The following TUBB3 variants were observed in gnomAD, a reference collection of about 807,000 sequenced individuals.
TUBB3 encodes tubulin beta-3 chain.
TUBB3 carries 17 observed loss-of-function variants against 37.8 expected under a neutral mutation model. The ratio of observed to expected loss-of-function variants is 0.45; its 90% confidence interval spans 0.31 to 0.67. The LOEUF is 0.67. Among genes scored for constraint, TUBB3 ranks in the 30% least tolerant of loss-of-function variants. The pLI, the probability that TUBB3 is intolerant of heterozygous loss-of-function variation, is 0.07. For synonymous variants in TUBB3, 332 were observed against 278.9 expected, an observed-to-expected ratio of 1.19 and a Z score of -1.90; for missense variants, 262 against 657.9, an observed-to-expected ratio of 0.40 and a Z score of 6.58.
In TUBB3 at chr16:89,926,471, C is replaced by A. The variant is rs1043458983; in HGVS notation, c.57+3013C>A. On this transcript the variant is annotated intron_variant, in intron 1 of 3. Coordinates refer to ENST00000315491, the MANE Select transcript of TUBB3 (RefSeq NM_006086.4). ...TGGCCACTGCCCTCAAAGCCCGGCC[C>A]CGCTTTCCCCAGGACCCCAAGCGCT... Among the ~76,000 whole-genome samples the A allele has an allele frequency of 5.3e-5, 8 of 152,268 alleles. No homozygotes were observed. In the South Asian group the frequency reaches 1.2e-3, roughly 24 times the overall value.
chr16:89,931,299 T>C (rs369164356), intron 1 of TUBB3, among the ~76,000 whole-genome samples: 22 of 152,358 alleles, frequency 1.4e-4, no homozygotes, highest in African/African-American at 4.8e-4. Context: ...TTGAGGAATC[T>C]TCTGCAGCAC....
chr16:89,933,665 G>A, intron 3 of TUBB3, 87 bp downstream of exon 3: 1 of 1,019,752 alleles, frequency 9.8e-7, no homozygotes. Context: ...TGAGAAACAA[G>A]GAATGGTCAG....
chr16:89,922,896 C>T (rs1380350465), upstream of TUBB3, among the ~76,000 whole-genome samples: 1 of 152,270 alleles, frequency 6.6e-6, no homozygotes, highest in Non-Finnish European at 1.5e-5. Context: ...AAGCTCAGAG[C>T]ACCTTGTCTG....
At chr16:89,928,925 GT>G (rs1325360228) in intron 1 of TUBB3, among the ~76,000 whole-genome samples, 1 of 148,996 alleles carries the variant, frequency 6.7e-6, no homozygotes, top group Non-Finnish European at 1.5e-5. Context: ...GCCTCCCAAA[GT>G]GCTGGGATTG....
intron 1 of TUBB3, among the ~76,000 whole-genome samples, chr16:89,930,116 CCTTT>C (rs1291464038): frequency 7.1e-5 from 10 of 141,234 alleles, no homozygotes; most frequent in Admixed American, 5.7e-4. Context: ...TTCCTTCCTT[CCTTT>C]CTTTCTGACA....
At chr16:89,928,782 C>G (rs2030177531) in intron 1 of TUBB3, among the ~76,000 whole-genome samples, 1 of 152,070 alleles carries the variant, frequency 6.6e-6, no homozygotes, top group Non-Finnish European at 1.5e-5. Context: ...CCTCGGCCTC[C>G]CAAAGTGCTA....
chr16:89,935,718 C>T lies in TUBB3; in HGVS notation c.1267C>T (p.Gln423Ter), dbSNP rs2151093129. The change falls in exon 4 of 4, where the codon CAG (glutamine) becomes TAG (stop). Residue 423 changes from glutamine (Q) to a stop codon, truncating the protein, a stop_gained. Coordinates refer to ENST00000315491, the MANE Select transcript of TUBB3 (RefSeq NM_006086.4). LOFTEE classifies it high-confidence loss of function. ...SNMNDLVSEY[Q>*]QYQDATAEEE... Reference sequence around the variant, plus strand: ...CATGAACGACCTGGTGTCCGAGTACCAGCAGTACCAGGACGCCACGGCCGA... The same window carrying T: ...CATGAACGACCTGGTGTCCGAGTACTAGCAGTACCAGGACGCCACGGCCGA... 1.2e-6 allele frequency: 2 copies of T among 1,613,922 alleles called. No individual in the cohort carries two copies. The highest frequency in any genetic ancestry group is 1.7e-6 in the Non-Finnish European group (2 of 1,179,934).
At chr16:89,926,398 C>G (rs982801391) in intron 1 of TUBB3, among the ~76,000 whole-genome samples, 4 of 152,266 alleles carry the variant, frequency 2.6e-5, no homozygotes, top group Admixed American at 6.5e-5. Context: ...GGCTTGGAGG[C>G]CCCAGTCTCG....
chr16:89,929,367 G>C (rs943408087), intron 1 of TUBB3, among the ~76,000 whole-genome samples: 3 of 152,198 alleles, frequency 2.0e-5, no homozygotes, highest in South Asian at 2.1e-4. Context: ...CCTTTGTGGA[G>C]AGATGACCTC....
intron 1 of TUBB3, among the ~76,000 whole-genome samples, chr16:89,925,331 C>T (rs981707395): frequency 3.3e-5 from 5 of 151,784 alleles, no homozygotes; most frequent in African/African-American, 1.2e-4. Flanking sequence ...TGAGGAATCT[C>T]ATGTAATCCC....
Position 89,934,709 on chromosome 16 carries a change from C to A in TUBB3, c.278-20C>A. On this transcript the variant is annotated intron_variant, in intron 3 of 3. Coordinates refer to ENST00000315491, the MANE Select transcript of TUBB3 (RefSeq NM_006086.4). Reference sequence around the variant, plus strand: ...CAGAGTCCCTGGCCCCTGTCTCTTACCCCTCTTCTCCCTGTACAGGTCAGA... The same window carrying A: ...CAGAGTCCCTGGCCCCTGTCTCTTAACCCTCTTCTCCCTGTACAGGTCAGA... 1 of 1,612,446 alleles carries A rather than the reference C, an allele frequency of 6.2e-7. No individual in the cohort carries two copies. Among genetic ancestry groups the A allele is most frequent in the Non-Finnish European group, 8.5e-7 (1 of 1,178,670 alleles).
intron 1 of TUBB3, among the ~76,000 whole-genome samples, chr16:89,926,753 T>C (rs28705737): frequency 0.078 from 11,869 of 152,086 alleles, 887 homozygotes; most frequent in South Asian, 0.19. Flanking sequence ...GTTTGGCTCT[T>C]GTTGCCCAGG....
rs753424081 is a variant in TUBB3, at chr16:89,935,180, G to A, written c.729G>A (p.Pro243=). Residue 243 remains proline (P), a synonymous_variant, in exon 4 of 4, where the codon CCG becomes CCA. Transcript: ENST00000315491. ...GAGTCACCACCTCCTTGCGCTTCCC[G>A]GGCCAGCTCAACGCTGACCTGCGCA... The part of the protein sequence containing the change: ...MSGVTTSLRF[P]GQLNADLRKL... 68 of 1,613,716 alleles carry A rather than the reference G, an allele frequency of 4.2e-5. No individual in the cohort carries two copies. In the East Asian group the frequency reaches 8.7e-4, roughly 21 times the overall value.
intron 1 of TUBB3, among the ~76,000 whole-genome samples, chr16:89,924,637 A>C (rs1158676985): frequency 6.6e-6 from 1 of 151,824 alleles, no homozygotes; most frequent in African/African-American, 2.4e-5. Flanking sequence ...ACAAAAAGCT[A>C]ATTACAACAG....
intron 1 of TUBB3, among the ~76,000 whole-genome samples, chr16:89,926,109 C>G (rs1057219780): frequency 6.6e-6 from 1 of 152,162 alleles, no homozygotes; most frequent in African/African-American, 2.4e-5. Context: ...GGACGCTGCC[C>G]CACTGCCGCA....
intron 1 of TUBB3, among the ~76,000 whole-genome samples, chr16:89,927,253 C>T (rs969577696): frequency 2.0e-5 from 3 of 151,748 alleles, no homozygotes; most frequent in East Asian, 2.0e-4. Context: ...CATGGAGGCA[C>T]GCCGGCCTGT....
rs1479959389 is a variant in TUBB3 at position 89,934,931 on chromosome 16, C to T, written c.480C>T (p.Pro160=). ...TCAGCAAGGTGCGTGAGGAGTATCC[C>T]GACCGCATCATGAACACCTTCAGCG... ...LLISKVREEY[P]DRIMNTFSVV... is the part of the protein sequence containing the mutation. Residue 160 remains proline (P), a synonymous_variant, in exon 4 of 4, where the codon CCC becomes CCT. Transcript: ENST00000315491. 8 of 1,614,156 alleles carry T rather than the reference C, an allele frequency of 5.0e-6. No homozygotes were observed. In the African/African-American group the frequency reaches 5.3e-5, roughly 11 times the overall value.
chr16:89,931,933 A>G (rs1019636265), intron 1 of TUBB3: 14 of 325,066 alleles, frequency 4.3e-5, no homozygotes, highest in Admixed American at 3.2e-4. Flanking sequence ...AGGCTGGGTG[A>G]CCTCAGGCAA....
At chr16:89,926,987 G>A (rs1418837639) in intron 1 of TUBB3, among the ~76,000 whole-genome samples, 1 of 152,094 alleles carries the variant, frequency 6.6e-6, no homozygotes, top group African/African-American at 2.4e-5. Flanking sequence ...AAAGTGCTGG[G>A]ATTGCAGGCA....
Sources: gnomAD v4.1 joint callset for allele counts (sites outside exome capture counted in the v4.1 genomes callset) on GRCh38, gnomAD v4.1.1 for gene constraint, MANE v1.5 for transcripts, NCBI Gene and HGNC (gene_info 2026-07-23, HGNC 2026-07-21) for gene names.